The following THADA variants were observed in gnomAD, a reference collection of about 807,000 sequenced individuals.
THADA encodes the protein THADA armadillo repeat containing.
Under a neutral mutation model 219.8 loss-of-function variants are expected in THADA, and 213 were observed. The observed-to-expected ratio is 0.97, with a 90% CI of 0.87 to 1.09. THADA has a LOEUF of 1.09. Among genes scored for constraint, THADA ranks in the 50% least tolerant of loss-of-function variants. The pLI is 0.00. For synonymous variants in THADA, 1,018 were observed against 828.9 expected, an observed-to-expected ratio of 1.23 and a Z score of -3.92; for missense variants, 2,956 against 2,311.3, an observed-to-expected ratio of 1.28 and a Z score of -5.72.
At chr2:43,297,793 C>T (rs1223408617) in intron 31 of THADA, among the ~76,000 whole-genome samples, 1 of 117,482 alleles carries the variant, frequency 8.5e-6, no homozygotes, top group African/African-American at 3.7e-5. Flanking sequence ...GCCCCCCGCC[C>T]GGCCAGCCGC....
chr2:43,334,327 G>A (rs538398525), intron 30 of THADA, among the ~76,000 whole-genome samples: 1 of 152,078 alleles, frequency 6.6e-6, no homozygotes, highest in African/African-American at 2.4e-5. Context: ...GGGGTGTGAA[G>A]GGCACTTACA....
At chr2:43,466,453 G>A (rs1036614216) in intron 26 of THADA, among the ~76,000 whole-genome samples, 1 of 152,070 alleles carries the variant, frequency 6.6e-6, no homozygotes, top group African/African-American at 2.4e-5. Context: ...CCTACTCTGT[G>A]TGTCCATACC....
At chr2:43,449,198 G>A (rs1217205388) in intron 26 of THADA, among the ~76,000 whole-genome samples, 1 of 152,040 alleles carries the variant, frequency 6.6e-6, no homozygotes, top group East Asian at 1.9e-4. Flanking sequence ...ATTCATTAGA[G>A]GGATTCGAAG....
At chr2:43,573,150 T>A (rs1330580900) in intron 11 of THADA, among the ~76,000 whole-genome samples, 158 bp from the exon 12 acceptor site, 1 of 152,238 alleles carries the variant, frequency 6.6e-6, no homozygotes, top group Non-Finnish European at 1.5e-5. Context: ...TATTCTAAAA[T>A]AATCATTATT....
intron 22 of THADA, among the ~76,000 whole-genome samples, chr2:43,509,998 A>C (rs1258743489): frequency 6.6e-6 from 1 of 152,218 alleles, no homozygotes; most frequent in Non-Finnish European, 1.5e-5. Context: ...ATTCAGAGAC[A>C]TAACAACCAA....
At chr2:43,395,619 C>G (rs1673933807) in intron 29 of THADA, among the ~76,000 whole-genome samples, 1 of 152,216 alleles carries the variant, frequency 6.6e-6, no homozygotes, top group South Asian at 2.1e-4. Flanking sequence ...AAATAGTTTC[C>G]TCTTTTACTC....
chr2:43,409,001 T>C (rs1675945914), intron 28 of THADA, among the ~76,000 whole-genome samples: 2 of 152,202 alleles, frequency 1.3e-5, no homozygotes, highest in African/African-American at 4.8e-5. Flanking sequence ...AATCCCATCA[T>C]GAAAGCACCC....
intron 29 of THADA, among the ~76,000 whole-genome samples, chr2:43,374,817 A>C (rs749540247): frequency 6.6e-5 from 10 of 152,164 alleles, no homozygotes; most frequent in Admixed American, 5.9e-4. Flanking sequence ...AAAGTTCATA[A>C]AATATTGAAA....
At chr2:43,428,559 C>T (rs1285579396) in intron 27 of THADA, among the ~76,000 whole-genome samples, 1 of 152,172 alleles carries the variant, frequency 6.6e-6, no homozygotes. Flanking sequence ...GAGCCAAGAT[C>T]ACGCCACTGC....
rs751322993 is a variant in THADA, at chr2:43,560,344, C to T, written c.2353G>A (p.Val785Ile). ...TVYQLSHDID[V>I]GRFQTLMECF... is the part of the protein sequence containing the mutation. ...TCCATTAGTGTTTGGAAACGACCAA[C>T]ATCAATATCATGACTCAGCTGATAT... The change falls in exon 16 of 38, where the codon GTT becomes ATT. Residue 785 changes from valine to isoleucine, a missense_variant. By Grantham distance (29) the Val-to-Ile change is conservative (BLOSUM62 3). Coordinates refer to ENST00000405975, the MANE Select transcript of THADA (RefSeq NM_022065.5). 1.9e-6 allele frequency: 3 copies of T among 1,611,700 alleles called. No homozygotes were observed. The highest frequency in any genetic ancestry group is 1.3e-5 in the African/African-American group (1 of 74,842).
intron 36 of THADA, among the ~76,000 whole-genome samples, chr2:43,258,979 G>A (rs1670645478): frequency 1.3e-5 from 2 of 152,152 alleles, no homozygotes; most frequent in Non-Finnish European, 2.9e-5. Flanking sequence ...GATTCTGGAG[G>A]TTCTGTGGTG....
chr2:43,555,727 T>C (rs1697268956), intron 17 of THADA, among the ~76,000 whole-genome samples: 1 of 152,130 alleles, frequency 6.6e-6, no homozygotes, highest in African/African-American at 2.4e-5. Context: ...GTTTCTACCA[T>C]CCTGGAAATA....
chr2:43,523,424 A>T (rs1010979708), intron 22 of THADA, among the ~76,000 whole-genome samples: 2 of 152,186 alleles, frequency 1.3e-5, no homozygotes, highest in Non-Finnish European at 2.9e-5. Flanking sequence ...TTTCATTCAA[A>T]GCTGAATGAC....
chr2:43,319,142 G>C (rs1255763772), intron 31 of THADA, among the ~76,000 whole-genome samples: 1 of 152,148 alleles, frequency 6.6e-6, no homozygotes, highest in African/African-American at 2.4e-5. Context: ...CAATTTACTT[G>C]GTAACATTGG....
chr2:43,439,078 T>C (rs1252423398), intron 26 of THADA, among the ~76,000 whole-genome samples: 2 of 152,202 alleles, frequency 1.3e-5, no homozygotes, highest in African/African-American at 4.8e-5. Flanking sequence ...TTCCACTTAA[T>C]ATTTTTGAAC....
At chr2:43,295,076 C>T (rs1675206587) in intron 31 of THADA, among the ~76,000 whole-genome samples, 2 of 152,102 alleles carry the variant, frequency 1.3e-5, no homozygotes, top group Admixed American at 6.6e-5. Flanking sequence ...CTGGACAACA[C>T]TGTGAAAATC....
intron 30 of THADA, among the ~76,000 whole-genome samples, chr2:43,334,743 C>T (rs926602153): frequency 6.6e-6 from 1 of 151,688 alleles, no homozygotes; most frequent in Non-Finnish European, 1.5e-5. Flanking sequence ...CCACTGCACT[C>T]CAGCCTGGGC....
In THADA at chr2:43,572,004, A is replaced by C; in HGVS notation, c.1909-142T>G. Reference sequence around the variant, plus strand: ...ATAGGTACCTCAGAAAGGTTTCCTAATCTCAAAGATCCTAGGGTTATTTCC... The same window carrying C: ...ATAGGTACCTCAGAAAGGTTTCCTACTCTCAAAGATCCTAGGGTTATTTCC... On this transcript the variant is annotated intron_variant, in intron 12 of 37. Coordinates refer to ENST00000405975, the MANE Select transcript of THADA (RefSeq NM_022065.5). 4.6e-6 allele frequency: 3 copies of C among 650,416 alleles called. No individual in the cohort carries two copies. The South Asian group carries it at 6.8e-5, about 15-fold the overall frequency. The allele number at this position is 650,416 out of a possible 1,614,324, so 40.3% of individuals were successfully genotyped here.
At chr2:43,246,457 T>C (rs1669159290) in intron 36 of THADA, among the ~76,000 whole-genome samples, 1 of 151,866 alleles carries the variant, frequency 6.6e-6, no homozygotes, top group Non-Finnish European at 1.5e-5. Context: ...ATTGCGCCAC[T>C]GCACTCCAGC....
Sources: allele counts gnomAD v4.1 joint callset (sites outside exome capture counted in the v4.1 genomes callset), GRCh38; gene constraint gnomAD v4.1.1; transcripts MANE v1.5; gene names NCBI Gene and HGNC (gene_info 2026-07-23, HGNC 2026-07-21).